The following FRMD3 variants were observed in gnomAD, a reference collection of about 807,000 sequenced individuals.
FRMD3 encodes FERM domain-containing protein 3.
A neutral mutation model predicts 70.2 loss-of-function variants in FRMD3; 33 were observed. The observed-to-expected ratio is 0.47, with a 90% CI of 0.36 to 0.63. FRMD3 has a LOEUF of 0.63. Among genes scored for constraint, FRMD3 ranks in the 20% least tolerant of loss-of-function variants. The pLI is 0.00. For synonymous variants in FRMD3, 279 were observed against 255.9 expected (o/e 1.09, Z -0.86); for missense variants, 632 against 711.4 (o/e 0.89, Z 1.27).
intron 2 of FRMD3, 144 bp from the exon 3 acceptor site, chr9:83,373,099 T>A: frequency 1.5e-6 from 1 of 677,850 alleles, no homozygotes; most frequent in Admixed American, 2.6e-5. Context: ...AAGACCAACA[T>A]AAACAACTTG....
intron 2 of FRMD3, among the ~76,000 whole-genome samples, chr9:83,384,033 T>A (rs1825437777): frequency 6.6e-6 from 1 of 152,170 alleles, no homozygotes; most frequent in Non-Finnish European, 1.5e-5. Flanking sequence ...ACTGACAATA[T>A]ATTCCATTTT....
intron 1 of FRMD3, among the ~76,000 whole-genome samples, chr9:83,402,887 CTTCT>C (rs1481895883): frequency 7.2e-6 from 1 of 139,836 alleles, no homozygotes; most frequent in Non-Finnish European, 1.5e-5. Context: ...CTCAATTTTC[CTTCT>C]TTCTTTCTTT....
upstream of FRMD3, among the ~76,000 whole-genome samples, chr9:83,538,796 AGG>A (rs1491169482): frequency 6.0e-3 from 918 of 152,258 alleles, 10 homozygotes; most frequent in African/African-American, 0.019. This position sits in a 1 kb window ranked among gnomAD's most constrained non-coding sequence, Gnocchi z 4.7. Context: ...GCTCAGCTCC[AGG>A]GACCTGGCGC....
chr9:83,350,643 G>GA (rs1824122481), intron 3 of FRMD3: 1 of 279,178 alleles, frequency 3.6e-6, no homozygotes, highest in South Asian at 1.4e-4. Context: ...AAAAAAGAAA[G>GA]AAAGAAAAAG....
intron 3 of FRMD3, among the ~76,000 whole-genome samples, 173 bp downstream of exon 3, chr9:83,372,740 G>T (rs1825016306): frequency 6.6e-6 from 1 of 152,036 alleles, no homozygotes; most frequent in Non-Finnish European, 1.5e-5. Flanking sequence ...GCAGACGAGG[G>T]TCATAGAAAA....
intron 1 of FRMD3, among the ~76,000 whole-genome samples, chr9:83,488,924 A>G (rs1032474805): frequency 3.3e-5 from 5 of 151,040 alleles, no homozygotes; most frequent in Admixed American, 6.6e-5. Context: ...TCAAGTCATC[A>G]GAATGTCTCC....
At chr9:83,365,506 T>C (rs1020224184) in intron 3 of FRMD3, among the ~76,000 whole-genome samples, 2 of 152,144 alleles carry the variant, frequency 1.3e-5, no homozygotes. Flanking sequence ...GATATTAATC[T>C]CGTATCCAAA....
At chr9:83,350,999 C>T in intron 3 of FRMD3, 1 of 972,052 alleles carries the variant, frequency 1.0e-6, no homozygotes, top group South Asian at 4.8e-5. Context: ...ACATACCACT[C>T]ATTTGCTTCT....
intron 13 of FRMD3, among the ~76,000 whole-genome samples, chr9:83,254,682 T>C (rs7044450): frequency 0.014 from 2,119 of 152,076 alleles, 22 homozygotes; most frequent in East Asian, 0.047. Context: ...CAATCTGAAA[T>C]GGTAAGGGGG....
Position 83,360,664 on chromosome 9 carries a change from G to A in FRMD3, c.296-10907C>T, listed in dbSNP as rs138204652. ...TCCACTACCCCTGTCACACTACCCC[G>A]CTTCCCACGAGGAGTGCTAGGTACT... On this transcript the variant is annotated intron_variant, in intron 3 of 13. Transcript: ENST00000304195. 2.9e-3 allele frequency among the ~76,000 whole-genome samples: 435 copies of A among 152,164 alleles called. 2 individuals carry two copies. The highest frequency in any genetic ancestry group is 0.01 in the African/African-American group (423 of 41,514).
chr9:83,523,339 A>G (rs1024786320), intron 1 of FRMD3, among the ~76,000 whole-genome samples: 1 of 152,208 alleles, frequency 6.6e-6, no homozygotes, highest in African/African-American at 2.4e-5. Context: ...AGATAGATAG[A>G]TGGATGAAAA....
intron 1 of FRMD3, among the ~76,000 whole-genome samples, chr9:83,466,119 A>G (rs1828120332): frequency 6.6e-6 from 1 of 152,214 alleles, no homozygotes; most frequent in African/African-American, 2.4e-5. Flanking sequence ...ACAAAAAGGA[A>G]CAAAATAAGA....
At chr9:83,292,552 T>A (rs1834475115) in intron 12 of FRMD3, among the ~76,000 whole-genome samples, 2 of 152,252 alleles carry the variant, frequency 1.3e-5, no homozygotes, top group African/African-American at 4.8e-5. Context: ...AATAGTTACA[T>A]ATCTATGTAT....
chr9:83,467,828 G>C, intron 1 of FRMD3: 1 of 1,395,556 alleles, frequency 7.2e-7, no homozygotes, highest in Non-Finnish European at 9.3e-7. Flanking sequence ...CCTAATTTCT[G>C]TCACAGTAAA....
intron 1 of FRMD3, among the ~76,000 whole-genome samples, chr9:83,426,955 CCAAA>C (rs1826827898): frequency 6.6e-6 from 1 of 152,136 alleles, no homozygotes; most frequent in African/African-American, 2.4e-5. Context: ...TTTTGTGAAA[CCAAA>C]CAAACTTATT....
chr9:83,381,655 C>T (rs1825359541), intron 2 of FRMD3, among the ~76,000 whole-genome samples: 1 of 151,998 alleles, frequency 6.6e-6, no homozygotes, highest in Non-Finnish European at 1.5e-5. Context: ...CAGGGATGGG[C>T]AAAAGAGAGA....
Position 83,248,577 on chromosome 9 carries a change from A to G in FRMD3, c.1196-61T>C, listed in dbSNP as rs547045479. ...TTCAGATTTTCCCACAAAAATCTGCAGGAAGAAACAGAAAAACAAAAAACT... is the reference window on the plus strand; with the variant it reads ...TTCAGATTTTCCCACAAAAATCTGCGGGAAGAAACAGAAAAACAAAAAACT... On this transcript the variant is annotated intron_variant, in intron 13 of 13. Coordinates refer to ENST00000304195, the MANE Select transcript of FRMD3 (RefSeq NM_174938.6). 3 of 1,495,860 alleles carry G rather than the reference A, an allele frequency of 2.0e-6. No homozygotes were observed. The South Asian group carries it at 4.1e-5, about 20-fold the overall frequency. The allele number at this position is 1,495,860 out of a possible 1,614,324, so 92.7% of individuals were successfully genotyped here. A position where few individuals can be genotyped will look rare whatever the true frequency, so the allele number is the denominator to read the frequency against.
intron 1 of FRMD3, among the ~76,000 whole-genome samples, chr9:83,396,295 A>C (rs943562468): frequency 6.6e-5 from 10 of 152,236 alleles, no homozygotes; most frequent in Non-Finnish European, 1.2e-4. Context: ...ACCCACAACA[A>C]CACCAGGCTG....
chr9:83,281,560 G>A (rs557409771), intron 13 of FRMD3: 25 of 152,284 alleles, frequency 1.6e-4, no homozygotes, highest in African/African-American at 5.8e-4. Flanking sequence ...CTGAACAGGA[G>A]GAATGATTTG....
Sources: gnomAD v4.1 joint callset for allele counts (sites outside exome capture counted in the v4.1 genomes callset) on GRCh38, gnomAD v4.1.1 for gene constraint, Gnocchi (gnomAD v3.1) non-coding constraint, MANE v1.5 for transcripts, NCBI Gene and HGNC (gene_info 2026-07-23, HGNC 2026-07-21) for gene names.